The following ZFYVE26 variants were observed in gnomAD, a reference collection of about 807,000 sequenced individuals.
ZFYVE26 encodes zinc finger FYVE domain-containing protein 26.
Under a neutral mutation model 276.5 loss-of-function variants are expected in ZFYVE26, and 181 were observed. That is an observed-to-expected ratio of 0.65 (90% CI 0.58 to 0.74). The LOEUF (loss-of-function observed/expected upper bound fraction) is 0.74, where lower values mean the gene tolerates loss of function less well. ZFYVE26 is among the 30% of genes least tolerant of loss of function. The probability of loss-of-function intolerance (pLI) is 0.00; values close to 1 mark genes in which losing one functional copy is unlikely to be tolerated. For synonymous variants in ZFYVE26, 1,129 were observed against 1,203.1 expected (o/e 0.94, Z 1.27); for missense variants, 2,821 against 3,097.9 (o/e 0.91, Z 2.12).
rs760906638 is a variant in ZFYVE26 at position 67,804,154 on chromosome 14, T to A, written c.1382A>T (p.Asp461Val). 6.2e-6 allele frequency: 10 copies of A among 1,614,194 alleles called. No individual in the cohort carries two copies. In the South Asian group the frequency reaches 7.7e-5, roughly 12 times the overall value. Reference protein sequence around the residue: ...LTNLPALREEDVLKLLQKVPA... With the variant: ...LTNLPALREEVVLKLLQKVPA... ...CACTTTCTGTAAGAGCTTGAGAACATCTTCCTCCCTGAGGGCTGGAAGGTT... is the reference window on the plus strand; with the variant it reads ...CACTTTCTGTAAGAGCTTGAGAACAACTTCCTCCCTGAGGGCTGGAAGGTT... The change falls in exon 9 of 42, where the codon GAT becomes GTT. Residue 461 changes from aspartate to valine, a missense_variant. Asp to Val is a radical substitution (Grantham distance 152, BLOSUM62 -3). Coordinates refer to ENST00000347230, the MANE Select transcript of ZFYVE26 (RefSeq NM_015346.4).
At chr14:67,791,687 AAGG>A (rs2039817387) in intron 14 of ZFYVE26, among the ~76,000 whole-genome samples, 1 of 151,758 alleles carries the variant, frequency 6.6e-6, no homozygotes, top group South Asian at 2.1e-4. Flanking sequence ...GGCTCAAGAA[AAGG>A]AGGAGAAGTG....
At chr14:67,735,300 C>T in intron 13 of ZFYVE26, 4 of 853,860 alleles carry the variant, frequency 4.7e-6, no homozygotes, top group Non-Finnish European at 8.2e-6. Flanking sequence ...TACATCTCAC[C>T]TCTCTGTAGT....
chr14:67,741,497 G>C (rs2038414843), intron 13 of ZFYVE26, among the ~76,000 whole-genome samples: 1 of 152,108 alleles, frequency 6.6e-6, no homozygotes. Flanking sequence ...TCAGAGAAGA[G>C]GGACCTTTGA....
intron 13 of ZFYVE26, among the ~76,000 whole-genome samples, chr14:67,739,424 C>T (rs974799653): frequency 1.3e-5 from 2 of 152,134 alleles, no homozygotes; most frequent in Non-Finnish European, 1.5e-5. Flanking sequence ...ATAAATTGAC[C>T]TTATTAAGTC....
chr14:67,777,622 G>A lies in ZFYVE26; in HGVS notation c.4911C>T (p.His1637=). The change falls in exon 25 of 42, where the codon CAC becomes CAT. Residue 1637 remains histidine (H), a synonymous_variant. Transcript: ENST00000347230. ...GGACAGCAGTCAGTTGTCCATAGAA[G>A]TGGGTGGTGAGGTAGTTGGCCAAGA... The part of the protein sequence containing the change: ...SHFLANYLTT[H]FYGQLTAVRH... 6.2e-7 allele frequency: 1 copy of A among 1,614,140 alleles called. No homozygotes were observed. The highest frequency in any genetic ancestry group is 1.1e-5 in the South Asian group (1 of 91,076).
intron 29 of ZFYVE26, 97 bp downstream of exon 29, chr14:67,769,497 T>C (rs1483080906): frequency 6.4e-7 from 1 of 1,553,186 alleles, no homozygotes; most frequent in Non-Finnish European, 8.8e-7. Context: ...CATTTCTGGA[T>C]TTGAAATGCT....
downstream of ZFYVE26, among the ~76,000 whole-genome samples, chr14:67,742,520 G>C (rs2038425718): frequency 6.6e-6 from 1 of 152,142 alleles, no homozygotes; most frequent in African/African-American, 2.4e-5. Flanking sequence ...GATTCTTCTA[G>C]AATTATTATT....
chr14:67,794,120 T>C (rs188388624), intron 13 of ZFYVE26, 51 bp downstream of exon 13: 2 of 1,581,736 alleles, frequency 1.3e-6, no homozygotes, highest in Non-Finnish European at 1.7e-6. Flanking sequence ...ATGGCAACTC[T>C]ATATCAGGGC....
In ZFYVE26 at chr14:67,748,508, C is replaced by T. The variant is rs986052059; in HGVS notation, c.7548G>A (p.Val2516=). Residue 2516 remains valine (V), a synonymous_variant, in exon 42 of 42, where the codon GTG becomes GTA. Transcript: ENST00000347230. ...QAAKSSGDAV[V]QDICAQWLLT... is the part of the protein sequence containing the mutation. ...GAAGCCACTGGGCACAGATGTCTTG[C>T]ACTACTGCATCCCCGCTGCTCTTGG... The T allele has an allele frequency of 1.9e-6, 3 of 1,613,860 alleles. No individual in the cohort carries two copies. The highest frequency in any genetic ancestry group is 1.7e-6 in the Non-Finnish European group (2 of 1,179,970).
intron 18 of ZFYVE26, among the ~76,000 whole-genome samples, chr14:67,785,563 C>G (rs2039627748): frequency 6.6e-6 from 1 of 152,154 alleles, no homozygotes; most frequent in Admixed American, 6.5e-5. Context: ...ATGAAGAACA[C>G]AGCAATCTTT....
chr14:67,777,899 G>C (rs912566611), intron 24 of ZFYVE26, among the ~76,000 whole-genome samples, 164 bp from the exon 25 acceptor site: 2 of 151,582 alleles, frequency 1.3e-5, no homozygotes, highest in African/African-American at 4.9e-5. Flanking sequence ...CAAATGCCAT[G>C]GCTTTGACAG....
chr14:67,767,488 A>T (rs2039089153), intron 31 of ZFYVE26, among the ~76,000 whole-genome samples: 1 of 151,886 alleles, frequency 6.6e-6, no homozygotes. Flanking sequence ...CTCATCTTAA[A>T]TGCTACCTCT....
At chr14:67,743,676 G>GA (rs2038446818), downstream of ZFYVE26, among the ~76,000 whole-genome samples, 2 of 152,296 alleles carry the variant, frequency 1.3e-5, no homozygotes, top group African/African-American at 2.4e-5. Context: ...TGAGTTCCAG[G>GA]AGGTAGTCAA....
Position 67,772,109 on chromosome 14 carries a change from G to A in ZFYVE26, c.5422C>T (p.Gln1808Ter), listed in dbSNP as rs387907057. The A allele has an allele frequency of 6.2e-7, 1 of 1,612,846 alleles. No homozygotes were observed. Among genetic ancestry groups the A allele is most frequent in the South Asian group, 1.1e-5 (1 of 90,806 alleles). ...VPPATPPARH[Q>*]WVPDETESIC... Reference sequence around the variant, plus strand: ...CTCTCAGTCTCATCCGGTACCCACTGGTGCCTGGCAGGGGGTGTCGCTGGG... The same window carrying A: ...CTCTCAGTCTCATCCGGTACCCACTAGTGCCTGGCAGGGGGTGTCGCTGGG... The change falls in exon 28 of 42, where the codon CAG becomes TAG. Residue 1808 changes from glutamine (Q) to a stop codon, truncating the protein, a stop_gained. Transcript: ENST00000347230. LOFTEE classifies it high-confidence loss of function.
chr14:67,797,838 G>C (rs2039988713), intron 11 of ZFYVE26, 83 bp from the exon 12 acceptor site: 1 of 1,583,834 alleles, frequency 6.3e-7, no homozygotes, highest in Admixed American at 1.7e-5. Context: ...GTTGGGGAAG[G>C]TTTGCACTGG....
At chr14:67,794,733 C>T (rs140749159) in intron 12 of ZFYVE26, among the ~76,000 whole-genome samples, 1 of 152,220 alleles carries the variant, frequency 6.6e-6, no homozygotes, top group Non-Finnish European at 1.5e-5. Flanking sequence ...TAGCTTGAGG[C>T]CAGGAGTTTG....
intron 13 of ZFYVE26, among the ~76,000 whole-genome samples, chr14:67,730,829 C>T (rs1026447397): frequency 1.3e-5 from 2 of 152,196 alleles, no homozygotes; most frequent in African/African-American, 2.4e-5. Context: ...GTCTTGAACT[C>T]CTGACGTCAG....
chr14:67,769,638 G>A lies in ZFYVE26; in HGVS notation c.5577C>T (p.Asn1859=), dbSNP rs1285085525. The A allele has an allele frequency of 6.2e-7, 1 of 1,614,032 alleles. No homozygotes were observed. Among genetic ancestry groups the A allele is most frequent in the Non-Finnish European group, 8.5e-7 (1 of 1,179,922 alleles). Residue 1859 remains asparagine, a synonymous_variant, in exon 29 of 42, where the codon AAC becomes AAT. Coordinates refer to ENST00000347230, the MANE Select transcript of ZFYVE26 (RefSeq NM_015346.4). ...KKMVVEGCRE[N]PARVCDQCYS... is the part of the protein sequence containing the mutation. ...AGCACTGATCACACACACGAGCAGG[G>A]TTCTCTCTGCAGCCTTCAACCACCA...
intron 38 of ZFYVE26, 104 bp from the exon 39 acceptor site, chr14:67,753,870 G>T: frequency 6.6e-7 from 1 of 1,508,734 alleles, no homozygotes; most frequent in Non-Finnish European, 9.1e-7. Context: ...ACAAATATTT[G>T]TTGAGACCCT....
Sources: gnomAD v4.1 joint callset for allele counts (sites outside exome capture counted in the v4.1 genomes callset) on GRCh38, gnomAD v4.1.1 for gene constraint, MANE v1.5 for transcripts, NCBI Gene and HGNC (gene_info 2026-07-23, HGNC 2026-07-21) for gene names.